TSPAN9: variants seen among roughly 807,000 people sequenced by gnomAD.
TSPAN9 encodes tetraspanin 9, also known as tetraspanin-9.
A neutral mutation model predicts 31.0 loss-of-function variants in TSPAN9; 16 were observed. The ratio of observed to expected loss-of-function variants is 0.52; its 90% CI spans 0.35 to 0.78. The LOEUF (loss-of-function observed/expected upper bound fraction) is 0.78. Among genes scored for constraint, TSPAN9 ranks in the 30% least tolerant of loss-of-function variants. TSPAN9 has a pLI of 0.01. For missense variants in TSPAN9, 272 were observed against 312.5 expected, an observed-to-expected ratio of 0.87 and a Z score of 0.98; for synonymous variants, 145 against 121.6, an observed-to-expected ratio of 1.19 and a Z score of -1.27.
At position 3,196,791 on chromosome 12, in the gene TSPAN9, G is replaced by T. The variant is rs144731777; in HGVS notation, c.-17-4386G>T. On this transcript the variant is annotated intron_variant, in intron 2 of 8. Transcript: ENST00000011898. ...GCCTGTTGTTTCCCCTACCTGCTGG[G>T]GACCATCCCAACCCCAAGGCCCTCA... Among the ~76,000 whole-genome samples the T allele has an allele frequency of 4.2e-3, 646 of 152,250 alleles. 3 individuals carry two copies. The highest frequency in any genetic ancestry group is 0.015 in the African/African-American group (609 of 41,538).
chr12:3,136,218 T>G (rs930580822), intron 2 of TSPAN9, among the ~76,000 whole-genome samples: 1 of 152,332 alleles, frequency 6.6e-6, no homozygotes, highest in Middle Eastern at 3.4e-3. Flanking sequence ...TGCTTACATT[T>G]ATTGGTTTCC....
chr12:3,130,075 G>A (rs891781399), intron 2 of TSPAN9, among the ~76,000 whole-genome samples: 6 of 152,212 alleles, frequency 3.9e-5, no homozygotes, highest in Non-Finnish European at 7.3e-5. Context: ...CGGCTGTACC[G>A]CCTCTTTGGC....
chr12:3,142,197 G>T (rs2098335191), intron 2 of TSPAN9, among the ~76,000 whole-genome samples: 1 of 152,182 alleles, frequency 6.6e-6, no homozygotes, highest in Admixed American at 6.5e-5. Context: ...GGGCCCAGAT[G>T]CCCTCCAGGG....
chr12:3,118,511 T>C (rs1442412991), intron 2 of TSPAN9, among the ~76,000 whole-genome samples: 1 of 152,062 alleles, frequency 6.6e-6, no homozygotes, highest in Non-Finnish European at 1.5e-5. Context: ...TCCGACCGCC[T>C]TGGCCTCCCA....
intron 3 of TSPAN9, among the ~76,000 whole-genome samples, chr12:3,219,162 G>A (rs372718604): frequency 9.9e-5 from 15 of 152,228 alleles, no homozygotes; most frequent in African/African-American, 2.2e-4. Context: ...GTGTAAGCTC[G>A]GAGTTGGACA....
Position 3,121,537 on chromosome 12 carries a change from T to A in TSPAN9, c.-18+37818T>A, listed in dbSNP as rs916997047. The stretch of plus-strand genomic sequence containing the variant: ...ACCATATCTGGCTAATTAAAACTTT[T>A]TTTTTTTTTTTTTTTTTTTTTGTAG... On this transcript the variant is annotated intron_variant, in intron 2 of 8. Coordinates refer to ENST00000011898, the MANE Select transcript of TSPAN9 (RefSeq NM_006675.5). Among the ~76,000 whole-genome samples, 9 of 102,132 alleles carry A rather than the reference T, an allele frequency of 8.8e-5. No individual in the cohort carries two copies. In the South Asian group the frequency reaches 2.0e-3, roughly 23 times the overall value. 67.0% of individuals were successfully genotyped at this position (102,132 alleles called of 152,430 possible).
At chr12:3,273,881 C>T (rs1376461379) in intron 3 of TSPAN9, among the ~76,000 whole-genome samples, 1 of 152,214 alleles carries the variant, frequency 6.6e-6, no homozygotes, top group East Asian at 1.9e-4. Context: ...CCGATCTCAG[C>T]CCCGGCTGTC....
chr12:3,183,959 G>A (rs1232086921), intron 2 of TSPAN9, among the ~76,000 whole-genome samples: 1 of 152,098 alleles, frequency 6.6e-6, no homozygotes, highest in African/African-American at 2.4e-5. Flanking sequence ...TTCTATAATT[G>A]CAGGCTGTTG....
At chr12:3,142,945 G>T (rs912585344) in intron 2 of TSPAN9, among the ~76,000 whole-genome samples, 1 of 152,184 alleles carries the variant, frequency 6.6e-6, no homozygotes, top group Admixed American at 6.5e-5. Context: ...TCCTGCGACA[G>T]TTCCTTAGTT....
chr12:3,195,406 GTAGT>G (rs1023917821), intron 2 of TSPAN9, among the ~76,000 whole-genome samples: 1 of 151,980 alleles, frequency 6.6e-6, no homozygotes, highest in African/African-American at 2.4e-5. Flanking sequence ...TGAGAATGCT[GTAGT>G]TACTTCACTT....
At chr12:3,257,254 C>T (rs371225271) in intron 3 of TSPAN9, among the ~76,000 whole-genome samples, 3 of 151,868 alleles carry the variant, frequency 2.0e-5, no homozygotes, top group South Asian at 2.1e-4. Flanking sequence ...CTAGGGGTCT[C>T]GGAGGAAGCA....
intron 3 of TSPAN9, among the ~76,000 whole-genome samples, chr12:3,226,744 GTATA>G (rs869054494): frequency 1.1e-3 from 3 of 2,856 alleles, no homozygotes; most frequent in African/African-American, 2.5e-3. Context: ...GTGTGTGTGT[GTATA>G]TATATATATA....
At chr12:3,266,750 T>C (rs1862545007) in intron 3 of TSPAN9, among the ~76,000 whole-genome samples, 1 of 152,190 alleles carries the variant, frequency 6.6e-6, no homozygotes, top group African/African-American at 2.4e-5. Flanking sequence ...CCATGAAGCA[T>C]GTCAGAAATG....
intron 8 of TSPAN9, 92 bp downstream of exon 8, chr12:3,281,909 A>G: frequency 1.4e-6 from 2 of 1,387,536 alleles, no homozygotes; most frequent in South Asian, 2.4e-5. Context: ...GTGTTGGTAC[A>G]CGGCGGAGGG....
intron 2 of TSPAN9, among the ~76,000 whole-genome samples, chr12:3,093,303 G>T (rs915819820): frequency 6.6e-6 from 1 of 152,184 alleles, no homozygotes; most frequent in Non-Finnish European, 1.5e-5. Flanking sequence ...GGGGCCAGGC[G>T]TGGGGGGCAG....
intron 2 of TSPAN9, among the ~76,000 whole-genome samples, chr12:3,156,413 A>G (rs959522659): frequency 2.0e-5 from 3 of 152,020 alleles, no homozygotes; most frequent in Non-Finnish European, 2.9e-5. Flanking sequence ...TAGGGTGCTG[A>G]TAGAGGCATC....
chr12:3,216,701 C>T (rs2098381610), intron 3 of TSPAN9, among the ~76,000 whole-genome samples: 1 of 152,240 alleles, frequency 6.6e-6, no homozygotes, highest in Admixed American at 6.5e-5. Flanking sequence ...GGAGGTGGTT[C>T]TGGCTTCCAG....
At chr12:3,189,105 A>C (rs538410705) in intron 2 of TSPAN9, among the ~76,000 whole-genome samples, 1 of 152,318 alleles carries the variant, frequency 6.6e-6, no homozygotes, top group African/African-American at 2.4e-5. Flanking sequence ...TCAGTGTCCA[A>C]AAGAGATGAC....
At position 3,278,751 on chromosome 12, in the gene TSPAN9, GC is replaced by G; in HGVS notation, c.255+140del. 5 of 1,224,708 alleles carry G rather than the reference GC, an allele frequency of 4.1e-6. No individual in the cohort carries two copies. In the South Asian group the frequency reaches 6.1e-5, roughly 15 times the overall value. The allele number at this position is 1,224,708 out of a possible 1,614,324, so 75.9% of individuals were successfully genotyped here. On this transcript the variant is annotated intron_variant, in intron 4 of 8. Coordinates refer to ENST00000011898, the MANE Select transcript of TSPAN9 (RefSeq NM_006675.5). ...GGAAACTGCTTCTAGAACGTTCTAG[GC>G]TTGACCACACCCCTCCTCCTCATGG...
Sources: gnomAD v4.1 joint callset for allele counts (sites outside exome capture counted in the v4.1 genomes callset) on GRCh38, gnomAD v4.1.1 for gene constraint, MANE v1.5 for transcripts, NCBI Gene and HGNC (gene_info 2026-07-23, HGNC 2026-07-21) for gene names.